The following FGFR3 variants were observed in gnomAD, a reference collection of about 807,000 sequenced individuals.
FGFR3 encodes fibroblast growth factor receptor 3, also known as FGFR-3.
Under a neutral mutation model 82.9 loss-of-function variants are expected in FGFR3, and 25 were observed. That is an observed-to-expected ratio of 0.30 (90% confidence interval 0.22 to 0.42). FGFR3 has a LOEUF of 0.42. Among genes scored for constraint, FGFR3 ranks in the 10% least tolerant of loss-of-function variants. The pLI, the probability that FGFR3 is intolerant of heterozygous loss-of-function variation, is 1.00. For missense variants in FGFR3, 1,026 were observed against 1,161.0 expected, an observed-to-expected ratio of 0.88 and a Z score of 1.69; for synonymous variants, 620 against 516.0, an observed-to-expected ratio of 1.20 and a Z score of -2.73.
rs751213196 is a variant in FGFR3 at position 1,805,602 on chromosome 4, G to A, written c.1578G>A (p.Met526Ile). The A allele has an allele frequency of 9.9e-6, 16 of 1,613,218 alleles. No homozygotes were observed. The highest frequency in any genetic ancestry group is 9.9e-5 in the South Asian group (9 of 91,092). The change falls in exon 12 of 18, where the codon ATG becomes ATA. Residue 526 changes from methionine (M) to isoleucine (I), a missense_variant. Transcript: ENST00000440486. ...DKDLSDLVSE[M>I]EMMKMIGKHK... ...ACCTGTCGGACCTGGTGTCTGAGAT[G>A]GAGATGATGAAGATGATCGGGAAAC...
At position 1,799,742 on chromosome 4, in the gene FGFR3, T is replaced by G. The variant is rs559988207; in HGVS notation, c.380-5T>G. On this transcript the variant is annotated splice_region_variant and splice_polypyrimidine_tract_variant and intron_variant, in intron 3 of 17. Transcript: ENST00000440486. ...GCATTGGTTGCGGCCATCTCTGCCT[T>G]GCAGACGCTCCATCCTCGGGAGATG... The G allele has an allele frequency of 3.7e-6, 6 of 1,612,790 alleles. No homozygotes were observed. Among genetic ancestry groups the G allele is most frequent in the Admixed American group, 1.7e-5 (1 of 60,008 alleles).
At chr4:1,796,807 C>A (rs764965515) in intron 2 of FGFR3, among the ~76,000 whole-genome samples, 1 of 152,232 alleles carries the variant, frequency 6.6e-6, no homozygotes, top group Non-Finnish European at 1.5e-5. Flanking sequence ...CCTACCCTCA[C>A]TCCTGCAGCC....
chr4:1,799,600 G>A (rs904691816), intron 3 of FGFR3, 77 bp downstream of exon 3: 128 of 1,548,920 alleles, frequency 8.3e-5, no homozygotes, highest in South Asian at 1.4e-4. Context: ...GGTCAGGAGC[G>A]GCTGGGGGTC....
At chr4:1,797,725 G>A (rs1006619340) in intron 2 of FGFR3, among the ~76,000 whole-genome samples, 8 of 152,186 alleles carry the variant, frequency 5.3e-5, no homozygotes, top group Non-Finnish European at 7.4e-5. Context: ...CCCTGACTGC[G>A]GGGTCCCTAC....
chr4:1,800,983 T>C (rs541440734), intron 4 of FGFR3, among the ~76,000 whole-genome samples: 1 of 152,222 alleles, frequency 6.6e-6, no homozygotes, highest in South Asian at 2.1e-4. Flanking sequence ...TGGGCTCCTC[T>C]CCTGGTAAAC....
chr4:1,795,730 A>G (rs937493306), intron 2 of FGFR3, among the ~76,000 whole-genome samples: 1 of 152,130 alleles, frequency 6.6e-6, no homozygotes, highest in Non-Finnish European at 1.5e-5. Context: ...TGGGACCTGG[A>G]GTGACCCCCC....
chr4:1,795,920 G>C (rs1383094102), intron 2 of FGFR3, among the ~76,000 whole-genome samples: 1 of 152,172 alleles, frequency 6.6e-6, no homozygotes, highest in East Asian at 1.9e-4. Flanking sequence ...GCTGAGCCTG[G>C]CCTCCAGGTC....
intron 9 of FGFR3, 120 bp from the exon 10 acceptor site, chr4:1,804,704 C>T (rs1476279691): frequency 2.8e-6 from 4 of 1,440,326 alleles, no homozygotes; most frequent in South Asian, 2.4e-5. Context: ...TTCTAAAAAT[C>T]TTCATTCAAT....
intron 9 of FGFR3, 149 bp downstream of exon 9, chr4:1,804,669 C>A: frequency 7.0e-7 from 1 of 1,419,812 alleles, no homozygotes; most frequent in Non-Finnish European, 9.8e-7. Flanking sequence ...CATGTAGAGC[C>A]TAGGGTACTT....
At chr4:1,798,692 C>T (rs1383508928) in intron 2 of FGFR3, among the ~76,000 whole-genome samples, 1 of 152,138 alleles carries the variant, frequency 6.6e-6, no homozygotes, top group African/African-American at 2.4e-5. Flanking sequence ...GCTTTTCAGG[C>T]TCATATGGGG....
chr4:1,797,479 C>T (rs916629996), intron 2 of FGFR3, among the ~76,000 whole-genome samples: 1 of 152,208 alleles, frequency 6.6e-6, no homozygotes, highest in African/African-American at 2.4e-5. Context: ...TGTCCCCCGT[C>T]CCCCCGTGCT....
intron 14 of FGFR3, 21 bp from the exon 15 acceptor site, chr4:1,806,236 C>T (rs750091689): frequency 2.4e-5 from 38 of 1,612,792 alleles, no homozygotes; most frequent in Middle Eastern, 3.3e-4. Flanking sequence ...GCGCCAACAC[C>T]GCCTTCCCAC....
At position 1,807,786 on chromosome 4, in the gene FGFR3, C is replaced by G. The variant is rs1722153855; in HGVS notation, c.*524C>G. On this transcript the variant is annotated 3_prime_UTR_variant, in exon 18 of 18. Transcript: ENST00000440486. ...CTTTCCCACTTCCCACCCTGCCCCT[C>G]AGAGACTGAAATTACGGGTACCTGA... The G allele has an allele frequency of 1.9e-6, 1 of 526,206 alleles. No individual in the cohort carries two copies. The highest frequency in any genetic ancestry group is 3.7e-6 in the Non-Finnish European group (1 of 273,008). 32.6% of individuals were successfully genotyped at this position (526,206 alleles called of 1,614,324 possible).
At position 1,805,906 on chromosome 4, in the gene FGFR3, T is replaced by G; in HGVS notation, c.1802T>G (p.Val601Gly). ...GACCTGGTGTCCTGTGCCTACCAGG[T>G]GGCCCGGGGCATGGAGTACTTGGCC... ...FKDLVSCAYQ[V>G]ARGMEYLASQ... Residue 601 changes from valine to glycine, a missense_variant, in exon 13 of 18, where the codon GTG becomes GGG. Physicochemically the swap from Val to Gly is moderately radical, Grantham distance 109 (BLOSUM62 -3). Coordinates refer to ENST00000440486, the MANE Select transcript of FGFR3 (RefSeq NM_000142.5). The G allele has an allele frequency of 6.2e-7, 1 of 1,611,838 alleles. No homozygotes were observed. Among genetic ancestry groups the G allele is most frequent in the Non-Finnish European group, 8.5e-7 (1 of 1,179,048 alleles).
chr4:1,805,990 A>G (rs775840781), intron 13 of FGFR3, 50 bp downstream of exon 13: 18 of 1,610,752 alleles, frequency 1.1e-5, no homozygotes, highest in Admixed American at 1.7e-5. Flanking sequence ...CTGCCCTGAG[A>G]TGCTGGGAGC....
Position 1,806,695 on chromosome 4 carries a change from C to T in FGFR3, c.2168+12C>T, listed in dbSNP as rs369096713. 124 of 1,611,520 alleles carry T rather than the reference C, an allele frequency of 7.7e-5. No individual in the cohort carries two copies. In the Middle Eastern group the frequency reaches 1.1e-3, roughly 15 times the overall value. ...TGCACACACGACCTGTGAGTGGCAT[C>T]CCTGGCCCTCCACTGGGTCCTCAGG... On this transcript the variant is annotated intron_variant, in intron 16 of 17. Transcript: ENST00000440486.
At position 1,804,317 on chromosome 4, in the gene FGFR3, C is replaced by T. The variant is rs114754024; in HGVS notation, c.1076-13C>T. 13,536 of 1,594,468 alleles carry T rather than the reference C, an allele frequency of 8.5e-3. 85 individuals are homozygous for T. Among genetic ancestry groups the T allele is most frequent in the South Asian group, 0.012 (1,024 of 88,014 alleles). ...GGGGGCCAGGCCAGGCCTCAACGCC[C>T]ATGTCTTTGCAGCCGAGGAGGAGCT... On this transcript the variant is annotated splice_polypyrimidine_tract_variant and intron_variant, in intron 8 of 17. Transcript: ENST00000440486.
rs373967853 is a variant in FGFR3, at chr4:1,806,663, C to A, written c.2148C>A (p.Pro716=). The A allele has an allele frequency of 2.5e-6, 4 of 1,612,838 alleles. No homozygotes were observed. Residue 716 remains proline, a synonymous_variant, in exon 16 of 18, where the codon CCC becomes CCA. Coordinates refer to ENST00000440486, the MANE Select transcript of FGFR3 (RefSeq NM_000142.5). ...LLKEGHRMDK[P]ANCTHDLYMI... ...AGGAGGGCCACCGCATGGACAAGCC[C>A]GCCAACTGCACACACGACCTGTGAG...
At chr4:1,805,707 C>T (rs773182020) in intron 12 of FGFR3, 38 bp downstream of exon 12, 4 of 1,611,046 alleles carry the variant, frequency 2.5e-6, no homozygotes, top group Non-Finnish European at 3.4e-6. Flanking sequence ...GCTGGGCGGC[C>T]CTCCTGGGCC....
Sources: gnomAD v4.1 joint callset for allele counts (sites outside exome capture counted in the v4.1 genomes callset) on GRCh38, gnomAD v4.1.1 for gene constraint, MANE v1.5 for transcripts, NCBI Gene and HGNC (gene_info 2026-07-23, HGNC 2026-07-21) for gene names.